The following GSTM4 variants were observed in gnomAD, a reference collection of about 807,000 sequenced individuals.
The protein encoded by GSTM4 is GST class-mu 4.
In GSTM4, 27 loss-of-function variants were observed where a neutral mutation model predicts 30.1. The observed-to-expected ratio is 0.90, with a 90% confidence interval of 0.66 to 1.24. GSTM4 has a LOEUF of 1.24. GSTM4 is among the 50% of genes most tolerant of loss of function. GSTM4 has a pLI of 0.00. For missense variants in GSTM4, 238 were observed against 272.1 expected (o/e 0.87, Z 0.88); for synonymous variants, 94 against 96.2 (o/e 0.98, Z 0.13).
Position 109,659,213 on chromosome 1 carries a change from T to C in GSTM4, c.567+103T>C, listed in dbSNP as rs778839243. 3 of 1,614,104 alleles carry C rather than the reference T, an allele frequency of 1.9e-6. No individual in the cohort carries two copies. In the Admixed American group the frequency reaches 5.0e-5, roughly 27 times the overall value. ...CTACATAAAGAATAACTTGCATTTATTGAGTGCTGGCTTCATGCCAGGAAC... is the reference window on the plus strand; with the variant it reads ...CTACATAAAGAATAACTTGCATTTACTGAGTGCTGGCTTCATGCCAGGAAC... On this transcript the variant is annotated intron_variant, in intron 7 of 7. Coordinates refer to ENST00000369836, the MANE Select transcript of GSTM4 (RefSeq NM_000850.5).
At chr1:109,659,246 A>G (rs775319402) in intron 7 of GSTM4, 136 bp downstream of exon 7, 2 of 1,611,520 alleles carry the variant, frequency 1.2e-6, no homozygotes, top group South Asian at 1.1e-5. Context: ...AACCTTGCCC[A>G]GCACATTATA....
downstream of GSTM4, chr1:109,664,901 C>A: frequency 1.7e-6 from 2 of 1,155,890 alleles, no homozygotes; most frequent in Non-Finnish European, 2.6e-6. Flanking sequence ...TTTACCCATT[C>A]TCTACCTGTG....
downstream of GSTM4, among the ~76,000 whole-genome samples, chr1:109,663,328 AGT>A (rs1652371332): frequency 2.6e-5 from 4 of 152,342 alleles, no homozygotes; most frequent in Middle Eastern, 6.8e-3. Context: ...AAGCCCACAG[AGT>A]AGCACACTTA....
At chr1:109,656,587 T>TGTGCGTGC (rs1553232583) in intron 1 of GSTM4, 125 bp from the exon 2 acceptor site, 1 of 594,528 alleles carries the variant, frequency 1.7e-6, no homozygotes, top group African/African-American at 4.0e-5. Flanking sequence ...TGTGTGTGTG[T>TGTGCGTGC]GTGCGTGCGC....
rs755174534 is a variant in GSTM4 at position 109,657,830 on chromosome 1, C to T, written c.318C>T (p.Asp106=). ...RVDILENQAM[D]VSNQLARVCY... Reference sequence around the variant, plus strand: ...ACATTTTGGAGAACCAGGCTATGGACGTCTCCAATCAGCTGGCCAGAGTCT... The same window carrying T: ...ACATTTTGGAGAACCAGGCTATGGATGTCTCCAATCAGCTGGCCAGAGTCT... Residue 106 remains aspartate (D), a synonymous_variant, in exon 5 of 8, where the codon GAC becomes GAT. Coordinates refer to ENST00000369836, the MANE Select transcript of GSTM4 (RefSeq NM_000850.5). 4.0e-5 allele frequency: 64 copies of T among 1,614,024 alleles called. No homozygotes were observed. Among genetic ancestry groups the T allele is most frequent in the Middle Eastern group, 3.3e-4 (2 of 6,084 alleles).
chr1:109,659,132 C>G (rs766282679), intron 7 of GSTM4, 22 bp downstream of exon 7: 1 of 1,614,208 alleles, frequency 6.2e-7, no homozygotes, highest in Non-Finnish European at 8.5e-7. Context: ...ATCCTCCTTT[C>G]TCTTTGATGC....
chr1:109,656,825 G>A (rs978039024), intron 2 of GSTM4, 38 bp downstream of exon 2: 21 of 1,591,950 alleles, frequency 1.3e-5, no homozygotes, highest in Admixed American at 1.7e-5. Flanking sequence ...GCCCACTCAC[G>A]CTGAGTTGGC....
downstream of GSTM4, chr1:109,665,174 C>G (rs947852239): frequency 1.4e-5 from 10 of 711,828 alleles, no homozygotes; most frequent in Non-Finnish European, 2.3e-5. Flanking sequence ...ATGAAGGAGG[C>G]ATCCACCAAA....
At chr1:109,659,206 G>T in intron 7 of GSTM4, 96 bp downstream of exon 7, 1 of 1,614,148 alleles carries the variant, frequency 6.2e-7, no homozygotes, top group Non-Finnish European at 8.5e-7. Flanking sequence ...AGAATAACTT[G>T]CATTTATTGA....
In GSTM4 at chr1:109,661,606, G is replaced by A. The variant is rs1315576304; in HGVS notation, c.*352G>A. The stretch of plus-strand genomic sequence containing the variant: ...TGGAGCTCAGCCCTGAGCTGTCCCC[G>A]TGTTGCATGACAGCATTGACTGGTT... On this transcript the variant is annotated 3_prime_UTR_variant, in exon 8 of 8. Transcript: ENST00000369836. 15 of 1,226,148 alleles carry A rather than the reference G, an allele frequency of 1.2e-5. No individual in the cohort carries two copies. Among genetic ancestry groups the A allele is most frequent in the Admixed American group, 3.9e-5 (1 of 25,960 alleles). 76.0% of individuals were successfully genotyped at this position (1,226,148 alleles called of 1,614,324 possible). A position where few individuals can be genotyped will look rare whatever the true frequency, so the allele number is the denominator to read the frequency against.
Position 109,658,882 on chromosome 1 carries a change from G to T in GSTM4, c.429G>T (p.Gly143=), listed in dbSNP as rs1478607068. ...TGCAGCACTTCTCACAGTTCCTGGG[G>T]AAGAGGCCATGGTTTGTTGGAGACA... The part of the protein sequence containing the change: ...TMMQHFSQFL[G]KRPWFVGDKI... The change falls in exon 6 of 8, where the codon GGG becomes GGT. Residue 143 remains glycine (G), a synonymous_variant. Coordinates refer to ENST00000369836, the MANE Select transcript of GSTM4 (RefSeq NM_000850.5). 6.2e-7 allele frequency: 1 copy of T among 1,614,058 alleles called. No individual in the cohort carries two copies. The highest frequency in any genetic ancestry group is 1.3e-5 in the African/African-American group (1 of 75,058).
At position 109,661,651 on chromosome 1, in the gene GSTM4, G is replaced by A. The variant is rs1652330615; in HGVS notation, c.*397G>A. 1 of 1,154,870 alleles carries A rather than the reference G, an allele frequency of 8.7e-7. No homozygotes were observed. The highest frequency in any genetic ancestry group is 1.1e-6 in the Non-Finnish European group (1 of 933,930). 71.5% of individuals were successfully genotyped at this position (1,154,870 alleles called of 1,614,324 possible). ...CTGGTTTACAGGCCCTGCTCCTGCAGCATGGCCCCTGCCTTAGGCCTACCT... is the reference window on the plus strand; with the variant it reads ...CTGGTTTACAGGCCCTGCTCCTGCAACATGGCCCCTGCCTTAGGCCTACCT... On this transcript the variant is annotated 3_prime_UTR_variant, in exon 8 of 8. Transcript: ENST00000369836.
At chr1:109,661,937 T>C (rs958890071), downstream of GSTM4, among the ~76,000 whole-genome samples, 2 of 152,104 alleles carry the variant, frequency 1.3e-5, no homozygotes, top group African/African-American at 4.8e-5. Flanking sequence ...TCAAGAATCC[T>C]CCCACTTCAG....
In GSTM4 at chr1:109,659,059, C is replaced by T. The variant is rs1553233053; in HGVS notation, c.516C>T (p.Pro172=). 2.5e-6 allele frequency: 4 copies of T among 1,614,208 alleles called. No individual in the cohort carries two copies. The South Asian group carries it at 4.4e-5, about 18-fold the overall frequency. ...TTGACCTCCACCGTATATTTGAGCC[C>T]AACTGCTTGGACGCCTTTCCAAATC... ...DVLDLHRIFE[P]NCLDAFPNLK... The change falls in exon 7 of 8, where the codon CCC becomes CCT. Residue 172 remains proline (P), a synonymous_variant. Transcript: ENST00000369836.
downstream of GSTM4, among the ~76,000 whole-genome samples, chr1:109,667,255 G>A (rs767202549): frequency 6.6e-6 from 1 of 150,918 alleles, no homozygotes; most frequent in Non-Finnish European, 1.5e-5. Flanking sequence ...CTTTTTGATG[G>A]AACATTTATT....
downstream of GSTM4, chr1:109,664,877 T>C (rs1000412925): frequency 2.3e-6 from 2 of 878,982 alleles, no homozygotes; most frequent in Non-Finnish European, 3.8e-6. Context: ...GAATCTCCTG[T>C]ATAAAACTCT....
At chr1:109,665,033 G>A, downstream of GSTM4, 6 of 1,580,050 alleles carry the variant, frequency 3.8e-6, no homozygotes, top group Non-Finnish European at 5.2e-6. Context: ...ATAATGTGAT[G>A]GTCAATTTTC....
intron 2 of GSTM4, 190 bp from the exon 3 acceptor site, chr1:109,657,025 G>A (rs1373099229): frequency 1.3e-5 from 10 of 791,974 alleles, no homozygotes; most frequent in Non-Finnish European, 2.0e-5. Context: ...AACCCTGGAA[G>A]CCTTAGCCGT....
In GSTM4 at chr1:109,661,207, C is replaced by A. The variant is rs751739487; in HGVS notation, c.610C>A (p.Leu204Ile). 9.9e-6 allele frequency: 16 copies of A among 1,611,280 alleles called. No individual in the cohort carries two copies. In the African/African-American group the frequency reaches 1.6e-4, roughly 17 times the overall value. ...ISAYMKSSRF[L>I]PKPLYTRVAV... Reference sequence around the variant, plus strand: ...TGCCTACATGAAGTCCAGCCGCTTCCTCCCAAAACCTCTGTACACAAGGGT... The same window carrying A: ...TGCCTACATGAAGTCCAGCCGCTTCATCCCAAAACCTCTGTACACAAGGGT... The change falls in exon 8 of 8, where the codon CTC becomes ATC. Residue 204 changes from leucine (L) to isoleucine (I), a missense_variant. Coordinates refer to ENST00000369836, the MANE Select transcript of GSTM4 (RefSeq NM_000850.5).
Sources: allele counts gnomAD v4.1 joint callset (sites outside exome capture counted in the v4.1 genomes callset), GRCh38; gene constraint gnomAD v4.1.1; transcripts MANE v1.5; gene names NCBI Gene and HGNC (gene_info 2026-07-23, HGNC 2026-07-21).